HIP1: variants seen among roughly 807,000 people sequenced by gnomAD.
The protein encoded by HIP1 is huntingtin interacting protein 1, also known as huntingtin-interacting protein 1.
A neutral mutation model predicts 147.6 loss-of-function variants in HIP1; 65 were observed. That is an observed-to-expected ratio of 0.44 (90% CI 0.36 to 0.54). The LOEUF is 0.54. HIP1 is among the 20% of genes least tolerant of loss of function. The pLI is 0.00. For synonymous variants in HIP1, 479 were observed against 504.0 expected (o/e 0.95, Z 0.67); for missense variants, 1,061 against 1,299.6 (o/e 0.82, Z 2.82).
At chr7:75,649,601 G>A (rs1187553460) in intron 1 of HIP1, among the ~76,000 whole-genome samples, 1 of 152,142 alleles carries the variant, frequency 6.6e-6, no homozygotes, top group Non-Finnish European at 1.5e-5. Flanking sequence ...CCCCGCCCCA[G>A]GGATTCTGAT....
intron 25 of HIP1, among the ~76,000 whole-genome samples, chr7:75,545,814 G>A (rs1247278960): frequency 6.6e-6 from 1 of 151,794 alleles, no homozygotes; most frequent in African/African-American, 2.4e-5. Flanking sequence ...CGTGGTGTGT[G>A]CCTGGAATCC....
chr7:75,699,658 A>G (rs1460776896), intron 1 of HIP1, among the ~76,000 whole-genome samples: 1 of 152,068 alleles, frequency 6.6e-6, no homozygotes, highest in Non-Finnish European at 1.5e-5. Context: ...GTCTCTGCTT[A>G]CTCACATCGT....
chr7:75,682,255 C>T (rs1334057928), intron 1 of HIP1, among the ~76,000 whole-genome samples: 1 of 151,076 alleles, frequency 6.6e-6, no homozygotes, highest in Non-Finnish European at 1.5e-5. Flanking sequence ...CCCCACCAGC[C>T]TATCATCATT....
chr7:75,557,267 G>A (rs1795046014), intron 16 of HIP1, among the ~76,000 whole-genome samples: 1 of 151,598 alleles, frequency 6.6e-6, no homozygotes. Context: ...TCGAACTCCT[G>A]ACTTGGTGAT....
At chr7:75,703,354 A>G (rs115618841) in intron 1 of HIP1, among the ~76,000 whole-genome samples, 1,645 of 151,802 alleles carry the variant, frequency 0.011, 32 homozygotes, top group African/African-American at 0.037. Context: ...TCTCAAAAAT[A>G]AAAAAAAGCC....
chr7:75,570,710 A>G (rs587686134), intron 8 of HIP1, among the ~76,000 whole-genome samples: 2 of 152,022 alleles, frequency 1.3e-5, no homozygotes, highest in African/African-American at 2.4e-5. Flanking sequence ...ATAAATGTTT[A>G]TTTTTAGAAA....
intron 16 of HIP1, among the ~76,000 whole-genome samples, chr7:75,557,112 C>T (rs587708716): frequency 1.7e-4 from 26 of 151,952 alleles, no homozygotes; most frequent in Admixed American, 1.6e-3. Flanking sequence ...AGTCTCAGCT[C>T]ACTGCAACCT....
intron 1 of HIP1, among the ~76,000 whole-genome samples, chr7:75,639,873 G>GGGA (rs1563263445): frequency 6.6e-6 from 1 of 152,102 alleles, no homozygotes; most frequent in African/African-American, 2.4e-5. Context: ...ATGGGCAATT[G>GGGA]GGAGGAAGTG....
chr7:75,722,810 C>T (rs1554521781), intron 1 of HIP1, among the ~76,000 whole-genome samples: 1 of 152,086 alleles, frequency 6.6e-6, no homozygotes, highest in African/African-American at 2.4e-5. Flanking sequence ...GGAATTGCAA[C>T]AAAGAACTCC....
intron 16 of HIP1, among the ~76,000 whole-genome samples, chr7:75,557,288 C>T (rs1435744069): frequency 6.6e-6 from 1 of 152,018 alleles, no homozygotes; most frequent in East Asian, 1.9e-4. Context: ...CCACACCCCC[C>T]TCAGCCTCCC....
intron 1 of HIP1, among the ~76,000 whole-genome samples, chr7:75,661,070 G>A (rs1283745584): frequency 6.6e-6 from 1 of 152,008 alleles, no homozygotes; most frequent in Non-Finnish European, 1.5e-5. Context: ...CTTGAGCCCA[G>A]GAGTTCAAGA....
intron 4 of HIP1, among the ~76,000 whole-genome samples, chr7:75,591,752 G>A (rs1299334186): frequency 6.6e-6 from 1 of 151,248 alleles, no homozygotes; most frequent in Non-Finnish European, 1.5e-5. Context: ...CAGGAAACAT[G>A]GCCATGTAGC....
At chr7:75,543,039 T>C in intron 27 of HIP1, 65 bp from the exon 28 acceptor site, 1 of 1,520,384 alleles carries the variant, frequency 6.6e-7, no homozygotes, top group Non-Finnish European at 8.9e-7. Context: ...AATCAGATAA[T>C]TGCTCTGATG....
chr7:75,618,004 C>A (rs1554506409), intron 1 of HIP1, among the ~76,000 whole-genome samples: 2 of 152,234 alleles, frequency 1.3e-5, no homozygotes, highest in African/African-American at 4.8e-5. Flanking sequence ...TGGCCCTGGC[C>A]AGAGCTCCCG....
At chr7:75,661,265 G>A (rs1465654850) in intron 1 of HIP1, among the ~76,000 whole-genome samples, 8 of 131,590 alleles carry the variant, frequency 6.1e-5, no homozygotes, top group Non-Finnish European at 8.2e-5. Flanking sequence ...GTGACAAAAT[G>A]AGACCCTGTT....
chr7:75,649,756 G>A (rs1554511663), intron 1 of HIP1, among the ~76,000 whole-genome samples: 1 of 152,182 alleles, frequency 6.6e-6, no homozygotes, highest in African/African-American at 2.4e-5. Flanking sequence ...GCTGAGGGCT[G>A]CAGGAAGCAA....
chr7:75,651,075 C>T (rs1798963066), intron 1 of HIP1, among the ~76,000 whole-genome samples: 1 of 151,980 alleles, frequency 6.6e-6, no homozygotes, highest in African/African-American at 2.4e-5. Context: ...GCTCTGCAAC[C>T]AAAGCCATTT....
Position 75,536,360 on chromosome 7 carries a change from A to G in HIP1, c.*1812T>C, listed in dbSNP as rs1794085138. 5.2e-6 allele frequency: 1 copy of G among 190,716 alleles called. No homozygotes were observed. Among genetic ancestry groups the G allele is most frequent in the African/African-American group, 2.5e-5 (1 of 40,764 alleles). 11.8% of individuals were successfully genotyped at this position (190,716 alleles called of 1,614,324 possible). On this transcript the variant is annotated 3_prime_UTR_variant, in exon 31 of 31. Transcript: ENST00000336926. ...AGGGAGTTGGGGAGGGGGGTGGGCT[A>G]GGGAGATGGGGGTTGGTTCACAGTG...
In HIP1 at chr7:75,544,755, C is replaced by G. The variant is rs1554490613; in HGVS notation, c.2706G>C (p.Glu902Asp). 1 of 1,613,920 alleles carries G rather than the reference C, an allele frequency of 6.2e-7. No individual in the cohort carries two copies. Among genetic ancestry groups the G allele is most frequent in the East Asian group, 2.2e-5 (1 of 44,890 alleles). ...CAATTTCATGAGAACACACCATTAG[C>G]TCCTCAAATTTCCCTCTGCCTTGTA... is the stretch of plus-strand genomic sequence containing the variant. Reference protein sequence around the residue: ...LVVQGRGKFEELMVCSHEIAA... With the variant: ...LVVQGRGKFEDLMVCSHEIAA... Residue 902 changes from glutamate to aspartate, a missense_variant, in exon 27 of 31, where the codon GAG becomes GAC. This residue lies in a region of HIP1 where 810 missense variants were observed against 946.8 expected (regional missense o/e 0.86). Transcript: ENST00000336926.
Sources: gnomAD v4.1 joint callset for allele counts (sites outside exome capture counted in the v4.1 genomes callset) on GRCh38, gnomAD v4.1.1 for gene constraint, gnomAD v4.1.1 regional missense constraint, MANE v1.5 for transcripts, NCBI Gene and HGNC (gene_info 2026-07-23, HGNC 2026-07-21) for gene names.